Variants in RAP1GAP2 observed in about 807,000 individuals in gnomAD.
RAP1GAP2 encodes the protein RAP1 GTPase activating protein 2.
Under a neutral mutation model 95.0 loss-of-function variants are expected in RAP1GAP2, and 27 were observed. That is an observed-to-expected ratio of 0.28 (90% CI 0.21 to 0.39). RAP1GAP2 has a LOEUF of 0.39. RAP1GAP2 is among the 10% of genes least tolerant of loss of function. The pLI is 1.00. For synonymous variants in RAP1GAP2, 373 were observed against 380.9 expected, an observed-to-expected ratio of 0.98 and a Z score of 0.24; for missense variants, 771 against 970.0, an observed-to-expected ratio of 0.79 and a Z score of 2.72.
At chr17:2,914,917 G>A (rs7210588) in intron 3 of RAP1GAP2, among the ~76,000 whole-genome samples, 1 of 150,518 alleles carries the variant, frequency 6.6e-6, no homozygotes, top group African/African-American at 2.5e-5. Context: ...TCAGTCCCCC[G>A]AGTAGCTGGG....
At chr17:2,977,997 A>G (rs6502656) in intron 8 of RAP1GAP2, among the ~76,000 whole-genome samples, 52,916 of 151,932 alleles carry the variant, frequency 0.35, 9,423 homozygotes, top group East Asian at 0.39. Context: ...ATTGCCGTCA[A>G]TGGAAACACA....
chr17:2,961,208 A>T (rs2044309303), intron 4 of RAP1GAP2, among the ~76,000 whole-genome samples: 1 of 118,496 alleles, frequency 8.4e-6, no homozygotes, highest in African/African-American at 3.3e-5. Context: ...CAAGAATGAA[A>T]CTCCATCTCA....
At chr17:2,781,832 CTG>C (rs761951464) in intron 1 of RAP1GAP2, among the ~76,000 whole-genome samples, 3 of 149,480 alleles carry the variant, frequency 2.0e-5, no homozygotes, top group Non-Finnish European at 4.4e-5. Flanking sequence ...GTGCAGGTCT[CTG>C]TGTGGGCACG....
At chr17:2,998,103 T>A (rs1451925525) in intron 13 of RAP1GAP2, 118 bp from the exon 14 acceptor site, 4 of 1,173,422 alleles carry the variant, frequency 3.4e-6, no homozygotes, top group African/African-American at 3.1e-5. Flanking sequence ...AACCACGAAC[T>A]CTTCTCACTC....
chr17:2,889,878 TATA>T (rs1449791793), intron 2 of RAP1GAP2, among the ~76,000 whole-genome samples: 66 of 80,232 alleles, frequency 8.2e-4, no homozygotes, highest in African/African-American at 3.5e-3. Flanking sequence ...TATATATATA[TATA>T]TATATATATT....
intron 1 of RAP1GAP2, among the ~76,000 whole-genome samples, chr17:2,757,367 C>T (rs918460017): frequency 6.6e-6 from 1 of 152,206 alleles, no homozygotes; most frequent in Non-Finnish European, 1.5e-5. Context: ...AGCGATCTAC[C>T]CACTTCAGCC....
intron 3 of RAP1GAP2, among the ~76,000 whole-genome samples, chr17:2,920,958 T>C (rs1597613212): frequency 6.6e-6 from 1 of 152,032 alleles, no homozygotes; most frequent in African/African-American, 2.4e-5. Context: ...CAGTGGATGG[T>C]GGGTTCTGTG....
At chr17:2,853,986 C>G in intron 2 of RAP1GAP2, 11 of 984,362 alleles carry the variant, frequency 1.1e-5, no homozygotes, top group Non-Finnish European at 1.3e-5. Context: ...GCACCGCGGG[C>G]GGCCTCGCCA....
At chr17:2,766,757 C>G (rs1040361676) in intron 1 of RAP1GAP2, among the ~76,000 whole-genome samples, 1 of 152,200 alleles carries the variant, frequency 6.6e-6, no homozygotes, top group Non-Finnish European at 1.5e-5. Flanking sequence ...GGCGCCTCAA[C>G]CTTAGGACAT....
chr17:3,008,608 G>T lies in RAP1GAP2; in HGVS notation c.1494+463G>T, dbSNP rs2046409797. The stretch of plus-strand genomic sequence containing the variant: ...AGCCGGCCGAGCATTGGAAGACCTG[G>T]CTGGGCAGGGGCCATGGAACTATAG... On this transcript the variant is annotated intron_variant, in intron 17 of 24. Coordinates refer to ENST00000254695, the MANE Select transcript of RAP1GAP2 (RefSeq NM_015085.5). The surrounding 1 kb of genome is among the most constrained non-coding windows in gnomAD (Gnocchi z 4.2). 6.6e-6 allele frequency among the ~76,000 whole-genome samples: 1 copy of T among 152,204 alleles called. No homozygotes were observed. Among genetic ancestry groups the T allele is most frequent in the South Asian group, 2.1e-4 (1 of 4,826 alleles).
chr17:3,026,901 G>A (rs368695997), intron 21 of RAP1GAP2, 43 bp from the exon 22 acceptor site: 2 of 1,537,922 alleles, frequency 1.3e-6, no homozygotes, highest in African/African-American at 2.7e-5. Flanking sequence ...GGGCGCAGCT[G>A]CCGAGGGTGG....
chr17:2,832,217 A>C (rs1321533707), intron 2 of RAP1GAP2, among the ~76,000 whole-genome samples: 1 of 147,264 alleles, frequency 6.8e-6, no homozygotes, highest in Non-Finnish European at 1.5e-5. Context: ...AAAAAAAAAG[A>C]AAACAAAAAA....
intron 2 of RAP1GAP2, among the ~76,000 whole-genome samples, chr17:2,885,028 C>CTTTTTTT (rs891984333): frequency 1.7e-4 from 19 of 112,486 alleles, no homozygotes; most frequent in African/African-American, 2.9e-4. Flanking sequence ...TTATTTCTTT[C>CTTTTTTT]TTTTTTTTTT....
intron 3 of RAP1GAP2, among the ~76,000 whole-genome samples, chr17:2,930,846 G>A (rs2043119830): frequency 6.6e-6 from 1 of 152,186 alleles, no homozygotes; most frequent in African/African-American, 2.4e-5. Context: ...CAAAAGAGCT[G>A]GGCGTGGTGG....
chr17:2,762,886 C>T (rs1038814498), intron 1 of RAP1GAP2, among the ~76,000 whole-genome samples: 3 of 151,872 alleles, frequency 2.0e-5, no homozygotes, highest in East Asian at 1.9e-4. Context: ...ACGTTGCCCA[C>T]GCTGGTCTCG....
intron 3 of RAP1GAP2, among the ~76,000 whole-genome samples, chr17:2,943,362 G>A (rs2043576600): frequency 6.6e-6 from 1 of 152,112 alleles, no homozygotes; most frequent in Non-Finnish European, 1.5e-5. Context: ...TAATAAAAAA[G>A]CCTCACCTGA....
In RAP1GAP2 at chr17:2,777,959, T is replaced by G. The variant is rs891848337; in HGVS notation, c.-14+681T>G. ...CACAGCTGCCAGGAGGCTGGGAGGCTGGGAGGCGGGGAGGCTGGGAGGCTG... is the reference window on the plus strand; with the variant it reads ...CACAGCTGCCAGGAGGCTGGGAGGCGGGGAGGCGGGGAGGCTGGGAGGCTG... On this transcript the variant is annotated intron_variant, in intron 1 of 24. Coordinates refer to the RAP1GAP2 transcript ENST00000540393. Among the ~76,000 whole-genome samples the G allele has an allele frequency of 6.7e-5, 6 of 89,854 alleles. 1 individual carries two copies. Among genetic ancestry groups the G allele is most frequent in the South Asian group, 7.2e-4 (2 of 2,768 alleles). The allele number at this position is 89,854 out of a possible 152,430, so 58.9% of individuals were successfully genotyped here.
At chr17:2,852,703 TG>T (rs2071914762) in intron 2 of RAP1GAP2, among the ~76,000 whole-genome samples, 1 of 151,990 alleles carries the variant, frequency 6.6e-6, no homozygotes, top group African/African-American at 2.4e-5. Flanking sequence ...TTCAGCCCCC[TG>T]CCCACTTCCT....
At chr17:2,888,708 T>C (rs1025394402) in intron 2 of RAP1GAP2, among the ~76,000 whole-genome samples, 25 of 150,794 alleles carry the variant, frequency 1.7e-4, no homozygotes, top group African/African-American at 4.9e-4. Flanking sequence ...CTGGAGCGTA[T>C]TGGTGCGATC....
Sources: gnomAD v4.1 joint callset for allele counts (sites outside exome capture counted in the v4.1 genomes callset) on GRCh38, gnomAD v4.1.1 for gene constraint, Gnocchi (gnomAD v3.1) non-coding constraint, MANE v1.5 for transcripts, NCBI Gene and HGNC (gene_info 2026-07-23, HGNC 2026-07-21) for gene names.